The following BMI1 variants were observed in gnomAD, a reference collection of about 807,000 sequenced individuals.
The protein encoded by BMI1 is polycomb complex protein BMI-1.
A neutral mutation model predicts 39.1 loss-of-function variants in BMI1; 9 were observed. The observed-to-expected ratio is 0.23, with a 90% CI of 0.14 to 0.40. The LOEUF (loss-of-function observed/expected upper bound fraction) is 0.40, where lower values mean the gene tolerates loss of function less well. Among genes scored for constraint, BMI1 ranks in the 10% least tolerant of loss-of-function variants. The pLI is 1.00. For missense variants in BMI1, 252 were observed against 390.8 expected (o/e 0.64, Z 2.99); for synonymous variants, 131 against 127.9 (o/e 1.02, Z -0.16).
chr10:22,330,766 T>C lies in BMI1; in HGVS notation c.*1224T>C, dbSNP rs1360891064. On this transcript the variant is annotated 3_prime_UTR_variant, in exon 10 of 10. Coordinates refer to ENST00000376663, the MANE Select transcript of BMI1 (RefSeq NM_005180.9). ...ACAATGGAATATGCCTTCTCTGCTA[T>C]GTCTGAAAATAGAAGCTATTTATTA... The C allele has an allele frequency of 2.6e-5, 4 of 152,604 alleles. 1 individual carries two copies. The East Asian group carries it at 7.7e-4, about 29-fold the overall frequency. The allele number at this position is 152,604 out of a possible 1,614,324, so 9.5% of individuals were successfully genotyped here.
intron 1 of BMI1, chr10:22,326,055 C>T (rs1443079194): frequency 2.5e-5 from 4 of 158,234 alleles, no homozygotes; most frequent in Non-Finnish European, 4.2e-5. Context: ...ATTCGGAGAC[C>T]TGGAACAAGC....
intron 1 of BMI1, chr10:22,321,977 C>G (rs1162897523): frequency 6.9e-6 from 1 of 145,518 alleles, no homozygotes; most frequent in African/African-American, 2.5e-5. Flanking sequence ...CGCGCCGCCG[C>G]CGCCAGCAGG....
rs1564351246 is a variant in BMI1, at chr10:22,329,166, C to G, written c.651+38C>G. 1.9e-6 allele frequency: 3 copies of G among 1,610,198 alleles called. No homozygotes were observed. The South Asian group carries it at 3.3e-5, about 18-fold the overall frequency. ...TCTGTTGTTAGATTATGATGGTAAACTATATTTAAAGAATTAAGAGTAATT... is the reference window on the plus strand; with the variant it reads ...TCTGTTGTTAGATTATGATGGTAAAGTATATTTAAAGAATTAAGAGTAATT... On this transcript the variant is annotated intron_variant, in intron 9 of 9. Transcript: ENST00000376663.
At chr10:22,323,879 T>G (rs1055904676) in intron 1 of BMI1, among the ~76,000 whole-genome samples, 2 of 152,234 alleles carry the variant, frequency 1.3e-5, no homozygotes, top group African/African-American at 4.8e-5. Flanking sequence ...GTCAAACACT[T>G]TGGAAGTCTT....
intron 8 of BMI1, 78 bp downstream of exon 8, chr10:22,328,776 C>T: frequency 7.1e-7 from 1 of 1,407,946 alleles, no homozygotes; most frequent in East Asian, 2.5e-5. Context: ...GGATTTTGAA[C>T]CCAAAAAAGC....
chr10:22,322,992 A>T (rs1211814980), intron 1 of BMI1, among the ~76,000 whole-genome samples: 1 of 152,154 alleles, frequency 6.6e-6, no homozygotes, highest in African/African-American at 2.4e-5. Flanking sequence ...GCATGTATTA[A>T]CCCCTTCCCT....
At chr10:22,325,930 A>G (rs2132004035) in intron 1 of BMI1, 1 of 152,414 alleles carries the variant, frequency 6.6e-6, no homozygotes, top group African/African-American at 2.4e-5. Context: ...GGAGGGCAGA[A>G]TTGTTTTCCC....
chr10:22,327,367 G>A (rs903800020), intron 3 of BMI1, among the ~76,000 whole-genome samples: 1 of 152,064 alleles, frequency 6.6e-6, no homozygotes, highest in Non-Finnish European at 1.5e-5. Flanking sequence ...TTTTGACAGA[G>A]CAAATGTGAA....
chr10:22,322,889 G>A (rs1246033662), intron 1 of BMI1, among the ~76,000 whole-genome samples: 1 of 152,194 alleles, frequency 6.6e-6, no homozygotes, highest in African/African-American at 2.4e-5. Flanking sequence ...GTTAATAATT[G>A]GAAGTAAACA....
rs1358157329 is a variant in BMI1 at position 22,326,463 on chromosome 10, C to A, written c.14C>A (p.Thr5Lys). Residue 5 changes from threonine (T) to lysine (K), a missense_variant, in exon 2 of 10, where the codon ACG (threonine) becomes AAG (lysine). Around this residue, in one of 4 missense-constraint regions of BMI1, gnomAD observed 62 missense variants for 123.3 expected, o/e 0.50. Coordinates refer to ENST00000376663, the MANE Select transcript of BMI1 (RefSeq NM_005180.9). The part of the protein sequence containing the change: MHRT[T>K]RIKITELNPH... ...TATCAAGCAGAAATGCATCGAACAACGAGAATCAAGATCACTGAGCTAAAT... is the reference window on the plus strand; with the variant it reads ...TATCAAGCAGAAATGCATCGAACAAAGAGAATCAAGATCACTGAGCTAAAT... 6.2e-7 allele frequency: 1 copy of A among 1,613,614 alleles called. No homozygotes were observed. Among genetic ancestry groups the A allele is most frequent in the Non-Finnish European group, 8.5e-7 (1 of 1,179,978 alleles).
At chr10:22,328,839 T>G in intron 8 of BMI1, 141 bp downstream of exon 8, 1 of 1,004,624 alleles carries the variant, frequency 1.0e-6, no homozygotes, top group South Asian at 1.9e-5. Flanking sequence ...TCTTAAAACA[T>G]TTGGTATACA....
In BMI1 at chr10:22,326,492, C is replaced by T; in HGVS notation, c.43C>T (p.His15Tyr). 1 of 1,614,054 alleles carries T rather than the reference C, an allele frequency of 6.2e-7. No homozygotes were observed. Among genetic ancestry groups the T allele is most frequent in the Non-Finnish European group, 8.5e-7 (1 of 1,180,022 alleles). Reference sequence around the variant, plus strand: ...AATCAAGATCACTGAGCTAAATCCCCACCTGATGTGTGTGCTTTGTGGAGG... The same window carrying T: ...AATCAAGATCACTGAGCTAAATCCCTACCTGATGTGTGTGCTTTGTGGAGG... ...TRIKITELNPHLMCVLCGGYF... is the reference protein window; with the variant it reads ...TRIKITELNPYLMCVLCGGYF... The change falls in exon 2 of 10, where the codon CAC becomes TAC. Residue 15 changes from histidine to tyrosine, a missense_variant. Around this residue, in one of 4 missense-constraint regions of BMI1, gnomAD observed 62 missense variants for 123.3 expected, o/e 0.50. Coordinates refer to ENST00000376663, the MANE Select transcript of BMI1 (RefSeq NM_005180.9).
intron 1 of BMI1, among the ~76,000 whole-genome samples, chr10:22,325,356 C>G (rs998937470): frequency 6.6e-6 from 1 of 152,184 alleles, no homozygotes; most frequent in Non-Finnish European, 1.5e-5. Context: ...CCGAGAGAGT[C>G]GAGATCTGAA....
chr10:22,321,850 CCGCGCCG>C (rs903853898), intron 1 of BMI1, among the ~76,000 whole-genome samples, 154 bp downstream of exon 1: 1 of 143,782 alleles, frequency 7.0e-6, no homozygotes, highest in African/African-American at 2.5e-5. Context: ...GCCCCGCGCC[CCGCGCCG>C]CCCGCCCCGC....
In BMI1 at chr10:22,321,106, ACT is replaced by A. The variant is rs1835977491; in HGVS notation, c.-607_-606del. 1 of 147,332 alleles carries A rather than the reference ACT, an allele frequency of 6.8e-6. No individual in the cohort carries two copies. The highest frequency in any genetic ancestry group is 1.5e-5 in the Non-Finnish European group (1 of 66,566). 9.1% of individuals were successfully genotyped at this position (147,332 alleles called of 1,614,324 possible). ...CATTTTGGAGCCGGTGTCAGTTTCCACTCTGCCTTCAGCGGTGCATTTTTTTC... is the reference window on the plus strand; with the variant it reads ...CATTTTGGAGCCGGTGTCAGTTTCCACTGCCTTCAGCGGTGCATTTTTTTC... On this transcript the variant is annotated 5_prime_UTR_variant, in exon 1 of 10. Coordinates refer to ENST00000376663, the MANE Select transcript of BMI1 (RefSeq NM_005180.9).
At chr10:22,325,085 A>G (rs1349053197) in intron 1 of BMI1, among the ~76,000 whole-genome samples, 1 of 152,220 alleles carries the variant, frequency 6.6e-6, no homozygotes, top group Non-Finnish European at 1.5e-5. Flanking sequence ...CCCCCAGCAT[A>G]GTTTGTCCAA....
At chr10:22,322,567 G>A (rs1252895973) in intron 1 of BMI1, among the ~76,000 whole-genome samples, 2 of 152,290 alleles carry the variant, frequency 1.3e-5, no homozygotes, top group African/African-American at 4.8e-5. Flanking sequence ...TTCAAATTTG[G>A]AGCTTTTTGT....
intron 1 of BMI1, chr10:22,325,646 C>T (rs1027845904): frequency 2.0e-5 from 3 of 147,382 alleles, no homozygotes; most frequent in East Asian, 2.0e-4. Flanking sequence ...CGCCCGCCCG[C>T]CGCCCCGCAC....
intron 1 of BMI1, among the ~76,000 whole-genome samples, chr10:22,323,600 A>G (rs1836062415): frequency 6.6e-6 from 1 of 152,176 alleles, no homozygotes; most frequent in Non-Finnish European, 1.5e-5. Context: ...GTTCATTTGC[A>G]TTTCTTAGAT....
Sources: gnomAD v4.1 joint callset for allele counts (sites outside exome capture counted in the v4.1 genomes callset) on GRCh38, gnomAD v4.1.1 for gene constraint, gnomAD v4.1.1 regional missense constraint, MANE v1.5 for transcripts, NCBI Gene and HGNC (gene_info 2026-07-23, HGNC 2026-07-21) for gene names.